Variants in BICRA observed in about 807,000 individuals in gnomAD.
BICRA encodes the protein BRD4 interacting chromatin remodeling complex associated protein.
In BICRA, 31 loss-of-function variants were observed where a neutral mutation model predicts 96.9. That is an observed-to-expected ratio of 0.32 (90% CI 0.24 to 0.43). BICRA has a LOEUF of 0.43. Ranked by LOEUF, BICRA falls within the 20% of genes least tolerant of loss-of-function variation. BICRA has a pLI of 1.00. For synonymous variants in BICRA, 1,350 were observed against 1,071.8 expected (o/e 1.26, Z -5.07); for missense variants, 2,283 against 2,190.3 (o/e 1.04, Z -0.84).
At chr19:47,632,638 G>A (rs1972237704) in intron 1 of BICRA, among the ~76,000 whole-genome samples, 1 of 152,180 alleles carries the variant, frequency 6.6e-6, no homozygotes, top group Non-Finnish European at 1.5e-5. Flanking sequence ...CAGTTGAGGG[G>A]TCAAATAATA....
At position 47,680,986 on chromosome 19, in the gene BICRA, G is replaced by GCCA; in HGVS notation, c.1819_1821dup (p.Thr607dup). ...CACCCCCGACGGCCTGGTGCAGCCGGCCACCCCTGCCGCTGCCACCGGGGA... is the reference window on the plus strand; with the variant it reads ...CACCCCCGACGGCCTGGTGCAGCCGGCCACCACCCCTGCCGCTGCCACCGGGGA... On this transcript the variant is annotated inframe_insertion, in exon 6 of 15. Coordinates refer to ENST00000594866, the MANE Select transcript of BICRA (RefSeq NM_001394372.1). 6.8e-7 allele frequency: 1 copy of GCCA among 1,463,428 alleles called. No individual in the cohort carries two copies. Among genetic ancestry groups the GCCA allele is most frequent in the Non-Finnish European group, 9.0e-7 (1 of 1,116,848 alleles). The allele number at this position is 1,463,428 out of a possible 1,614,324, so 90.7% of individuals were successfully genotyped here.
At chr19:47,674,787 C>G (rs1972917130) in intron 4 of BICRA, among the ~76,000 whole-genome samples, 1 of 152,168 alleles carries the variant, frequency 6.6e-6, no homozygotes, top group Non-Finnish European at 1.5e-5. Context: ...GCTGGCTTCC[C>G]CCAGAACGAG....
intron 1 of BICRA, among the ~76,000 whole-genome samples, chr19:47,661,051 T>C (rs1972696450): frequency 6.6e-6 from 1 of 151,482 alleles, no homozygotes. Context: ...CTACTAAAAA[T>C]ACAAAAACAA....
At chr19:47,636,096 G>A (rs1972297003) in intron 1 of BICRA, among the ~76,000 whole-genome samples, 1 of 152,138 alleles carries the variant, frequency 6.6e-6, no homozygotes, top group African/African-American at 2.4e-5. Context: ...TTTATACTCA[G>A]TTCCCATCCC....
intron 1 of BICRA, among the ~76,000 whole-genome samples, chr19:47,643,457 G>T (rs1244546728): frequency 5.3e-5 from 8 of 152,182 alleles, no homozygotes; most frequent in Non-Finnish European, 1.0e-4. Flanking sequence ...TCTGTCACCT[G>T]GGACACTGGC....
chr19:47,611,679 C>G (rs1284084401), intron 1 of BICRA, among the ~76,000 whole-genome samples: 1 of 152,144 alleles, frequency 6.6e-6, no homozygotes, highest in African/African-American at 2.4e-5. Context: ...TTGGCATGAT[C>G]CACTCTGTAA....
At chr19:47,625,616 T>G (rs1049235452) in intron 1 of BICRA, among the ~76,000 whole-genome samples, 10 of 151,990 alleles carry the variant, frequency 6.6e-5, no homozygotes. Flanking sequence ...TGGATTGGGT[T>G]TTTGAGTTTC....
intron 1 of BICRA, among the ~76,000 whole-genome samples, chr19:47,628,449 T>C (rs781443537): frequency 3.3e-5 from 5 of 152,216 alleles, no homozygotes; most frequent in African/African-American, 4.8e-5. Flanking sequence ...AGGGGAGGCA[T>C]TGGATGCCAG....
chr19:47,647,413 G>T (rs114159351), intron 1 of BICRA, among the ~76,000 whole-genome samples: 1 of 152,206 alleles, frequency 6.6e-6, no homozygotes, highest in Admixed American at 6.5e-5. Context: ...ATGCATGAGG[G>T]CTCTGATTTC....
intron 7 of BICRA, among the ~76,000 whole-genome samples, chr19:47,688,656 G>A (rs555720239): frequency 2.6e-4 from 39 of 152,086 alleles, no homozygotes; most frequent in East Asian, 2.5e-3. Flanking sequence ...GGGCATGGTG[G>A]TGTGTGCCTG....
chr19:47,697,546 C>T (rs9797554), intron 11 of BICRA, among the ~76,000 whole-genome samples: 37,849 of 151,584 alleles, frequency 0.25, 4,844 homozygotes, highest in South Asian at 0.32. Flanking sequence ...GGTACAATCT[C>T]GGCTCACTGC....
Position 47,680,414 on chromosome 19 carries a change from C to T in BICRA, c.1244C>T (p.Pro415Leu), listed in dbSNP as rs1264388301. 1 of 1,535,598 alleles carries T rather than the reference C, an allele frequency of 6.5e-7. No homozygotes were observed. Among genetic ancestry groups the T allele is most frequent in the African/African-American group, 1.4e-5 (1 of 72,890 alleles). Residue 415 changes from proline to leucine, a missense_variant, in exon 6 of 15, where the codon CCC (proline) becomes CTC (leucine). By Grantham distance (98) the Pro-to-Leu change is moderately conservative (BLOSUM62 -3). Transcript: ENST00000594866. ...AGQNVVLSGF[P>L]APALQANVFK... The stretch of plus-strand genomic sequence containing the variant: ...CAGAACGTGGTGCTGTCGGGCTTCC[C>T]CGCGCCTGCGCTGCAAGCGAACGTC...
In BICRA at chr19:47,680,437, G is replaced by A. The variant is rs1341138646; in HGVS notation, c.1267G>A (p.Val423Ile). The change falls in exon 6 of 15, where the codon GTC (valine) becomes ATC (isoleucine). Residue 423 changes from valine (V) to isoleucine (I), a missense_variant. Coordinates refer to ENST00000594866, the MANE Select transcript of BICRA (RefSeq NM_001394372.1). The stretch of plus-strand genomic sequence containing the variant: ...CCCCGCGCCTGCGCTGCAAGCGAAC[G>A]TCTTCAAGCAGCCACCGGCCACCAC... ...GFPAPALQAN[V>I]FKQPPATTTG... 2 of 1,538,004 alleles carry A rather than the reference G, an allele frequency of 1.3e-6. No individual in the cohort carries two copies. Among genetic ancestry groups the A allele is most frequent in the East Asian group, 2.4e-5 (1 of 40,820 alleles).
rs544812691 is a variant in BICRA, at chr19:47,660,222, G to A, written c.-107-10221G>A. ...GCCTTCTTCGCCTGGTCCAGCCCCC[G>A]GAGCTCTAGGTGGTCCTTGGCTCGT... On this transcript the variant is annotated intron_variant, in intron 1 of 14. Coordinates refer to ENST00000594866, the MANE Select transcript of BICRA (RefSeq NM_001394372.1). Among the ~76,000 whole-genome samples, 29 of 152,124 alleles carry A rather than the reference G, an allele frequency of 1.9e-4. 1 individual carries two copies. In the South Asian group the frequency reaches 6.0e-3, roughly 32 times the overall value.
rs199776123 is a variant in BICRA, at chr19:47,679,382, G to A, written c.212G>A (p.Ser71Asn). 4.9e-6 allele frequency: 7 copies of A among 1,439,454 alleles called. No homozygotes were observed. The highest frequency in any genetic ancestry group is 5.8e-5 in the Admixed American group (2 of 34,658). The allele number at this position is 1,439,454 out of a possible 1,614,324, so 89.2% of individuals were successfully genotyped here. ...LNPEPNQPAP[S>N]VDLDFLEDDI... ...CCAGAGCCCAACCAGCCGGCCCCCA[G>A]TGTGGACCTAGACTTCCTGGAAGAT... The change falls in exon 6 of 15, where the codon AGT becomes AAT. Residue 71 changes from serine to asparagine, a missense_variant. Transcript: ENST00000594866.
Position 47,702,719 on chromosome 19 carries a change from A to T in BICRA, c.*304A>T. 2.4e-6 allele frequency: 1 copy of T among 420,322 alleles called. No homozygotes were observed. Among genetic ancestry groups the T allele is most frequent in the Non-Finnish European group, 4.2e-6 (1 of 237,722 alleles). The allele number at this position is 420,322 out of a possible 1,614,324, so 26.0% of individuals were successfully genotyped here. A position where few individuals can be genotyped will look rare whatever the true frequency, so the allele number is the denominator to read the frequency against. On this transcript the variant is annotated 3_prime_UTR_variant, in exon 15 of 15. Transcript: ENST00000594866. ...CACACTCTGCCCCTCTGTCCGGGGG[A>T]CACGCGCATGTGTTTGCCAGGGATG... is the stretch of plus-strand genomic sequence containing the variant.
At chr19:47,661,471 G>A (rs759868568) in intron 1 of BICRA, among the ~76,000 whole-genome samples, 4 of 151,994 alleles carry the variant, frequency 2.6e-5, no homozygotes, top group Non-Finnish European at 4.4e-5. Context: ...AGAGGGAGCC[G>A]GGCCGGGGAG....
intron 7 of BICRA, 56 bp downstream of exon 7, chr19:47,682,208 G>A (rs953287641): frequency 2.7e-6 from 2 of 731,530 alleles, no homozygotes; most frequent in East Asian, 5.5e-5. Context: ...CGCCCCTCCT[G>A]CCCGCTCTCC....
In BICRA at chr19:47,673,563, C is replaced by T. The variant is rs747979687; in HGVS notation, c.-5-7C>T. The stretch of plus-strand genomic sequence containing the variant: ...CCTCGCCCTCTTCCTGACCCCACCC[C>T]ATCCAGTGGCGATGGATGATGAGGA... On this transcript the variant is annotated splice_region_variant and splice_polypyrimidine_tract_variant and intron_variant, in intron 2 of 14. Coordinates refer to ENST00000594866, the MANE Select transcript of BICRA (RefSeq NM_001394372.1). 11 of 1,611,714 alleles carry T rather than the reference C, an allele frequency of 6.8e-6. No individual in the cohort carries two copies. The highest frequency in any genetic ancestry group is 8.5e-6 in the Non-Finnish European group (10 of 1,177,936).
Sources: allele counts gnomAD v4.1 joint callset (sites outside exome capture counted in the v4.1 genomes callset), GRCh38; gene constraint gnomAD v4.1.1; transcripts MANE v1.5; gene names NCBI Gene and HGNC (gene_info 2026-07-23, HGNC 2026-07-21).